Variants in TAF1A observed in about 807,000 individuals in gnomAD.
TAF1A encodes TATA-box binding protein associated factor, RNA polymerase I subunit A.
In TAF1A, 42 loss-of-function variants were observed where a neutral mutation model predicts 61.6. The ratio of observed to expected loss-of-function variants is 0.68; its 90% CI spans 0.53 to 0.88. TAF1A has a LOEUF of 0.88. Ranked by LOEUF, TAF1A falls within the 40% of genes least tolerant of loss-of-function variation. The pLI is 0.00. For synonymous variants in TAF1A, 179 were observed against 177.7 expected, an observed-to-expected ratio of 1.01 and a Z score of -0.06; for missense variants, 424 against 518.7, an observed-to-expected ratio of 0.82 and a Z score of 1.77.
intron 5 of TAF1A, among the ~76,000 whole-genome samples, chr1:222,571,009 T>C (rs1660327919): frequency 6.6e-6 from 1 of 152,136 alleles, no homozygotes; most frequent in Admixed American, 6.5e-5. Context: ...GCATTATACA[T>C]CATGTCCAAG....
In TAF1A at chr1:222,581,013, G is replaced by A. The variant is rs571652074; in HGVS notation, c.292-1141C>T. On this transcript the variant is annotated intron_variant, in intron 3 of 10. Coordinates refer to ENST00000352967, the MANE Select transcript of TAF1A (RefSeq NM_005681.4). ...TAAAAATACAAAAAATTAGCCAGGC[G>A]TCGTGGCGGGAGGCGGAGCTTGCAG... Among the ~76,000 whole-genome samples, 110 of 152,178 alleles carry A rather than the reference G, an allele frequency of 7.2e-4. 1 individual carries two copies. Among genetic ancestry groups the A allele is most frequent in the Admixed American group, 6.4e-3 (98 of 15,288 alleles).
chr1:222,566,515 G>C (rs1660123318), intron 7 of TAF1A, among the ~76,000 whole-genome samples: 1 of 152,164 alleles, frequency 6.6e-6, no homozygotes, highest in African/African-American at 2.4e-5. Context: ...CCTGCAACTG[G>C]ATGATCCCAT....
Position 222,588,573 on chromosome 1 carries a change from AAGATG to A in TAF1A, c.-2-13_-2-9del, listed in dbSNP as rs772710641. On this transcript the variant is annotated splice_polypyrimidine_tract_variant and intron_variant, in intron 1 of 10. Coordinates refer to ENST00000352967, the MANE Select transcript of TAF1A (RefSeq NM_005681.4). ...CACTGAAATCACTCATACCTATTAC[AAGATG>A]AGATATCAGTTACTTTCTGTACATC... 27 of 1,611,808 alleles carry A rather than the reference AAGATG, an allele frequency of 1.7e-5. No homozygotes were observed. Among genetic ancestry groups the A allele is most frequent in the Middle Eastern group, 1.6e-4 (1 of 6,068 alleles).
Position 222,583,011 on chromosome 1 carries a change from C to T in TAF1A, c.291+1117G>A, listed in dbSNP as rs200347559. Among the ~76,000 whole-genome samples the T allele has an allele frequency of 2.0e-3, 308 of 152,164 alleles. 3 individuals carry two copies. The highest frequency in any genetic ancestry group is 0.012 in the East Asian group (62 of 5,158). ...CCTGCCTGGCCAACAGAGTGAAACC[C>T]AGTCTCCACTAAAAATACAAAAAAC... is the stretch of plus-strand genomic sequence containing the variant. On this transcript the variant is annotated intron_variant, in intron 3 of 10. Coordinates refer to ENST00000352967, the MANE Select transcript of TAF1A (RefSeq NM_005681.4).
intron 5 of TAF1A, among the ~76,000 whole-genome samples, chr1:222,572,047 T>G (rs1262344693): frequency 6.6e-6 from 1 of 152,002 alleles, no homozygotes; most frequent in South Asian, 2.1e-4. Context: ...TGAAACCCCG[T>G]CTCTACTAAA....
intron 2 of TAF1A, among the ~76,000 whole-genome samples, chr1:222,585,834 C>A (rs1183999828): frequency 6.6e-6 from 1 of 152,010 alleles, no homozygotes; most frequent in Non-Finnish European, 1.5e-5. Flanking sequence ...ATGAATAACG[C>A]AAGGTATTAA....
intron 10 of TAF1A, among the ~76,000 whole-genome samples, chr1:222,560,463 T>C (rs1053499701): frequency 6.6e-6 from 1 of 152,158 alleles, no homozygotes; most frequent in African/African-American, 2.4e-5. Flanking sequence ...AGGGAGTGAA[T>C]TGGAAAATTA....
chr1:222,582,479 C>T (rs571806953), intron 3 of TAF1A, among the ~76,000 whole-genome samples: 1 of 152,134 alleles, frequency 6.6e-6, no homozygotes, highest in Admixed American at 6.5e-5. Flanking sequence ...AAATTAGAAG[C>T]CTCAGATATT....
chr1:222,570,598 T>C lies in TAF1A; in HGVS notation c.672A>G (p.Ala224=), dbSNP rs1049882566. The change falls in exon 6 of 11, where the codon GCA becomes GCG. Residue 224 remains alanine (A), a synonymous_variant. Coordinates refer to ENST00000352967, the MANE Select transcript of TAF1A (RefSeq NM_005681.4). ...DVFNHSWKTS[A]NISALIKIPG... is the part of the protein sequence containing the mutation. Reference sequence around the variant, plus strand: ...GAATTTTAATCAATGCAGAAATATTTGCAGATGTCTTCCAGCTGTGGTTGA... The same window carrying C: ...GAATTTTAATCAATGCAGAAATATTCGCAGATGTCTTCCAGCTGTGGTTGA... 15 of 1,613,260 alleles carry C rather than the reference T, an allele frequency of 9.3e-6. No homozygotes were observed. The highest frequency in any genetic ancestry group is 1.2e-5 in the Non-Finnish European group (14 of 1,179,414).
chr1:222,554,763 G>A (rs1285926165), downstream of TAF1A, among the ~76,000 whole-genome samples: 2 of 152,108 alleles, frequency 1.3e-5, no homozygotes, highest in Admixed American at 6.6e-5. Flanking sequence ...TAGGTGGGGG[G>A]CTTCAGTCAT....
At position 222,570,463 on chromosome 1, in the gene TAF1A, G is replaced by T. The variant is rs1660304274; in HGVS notation, c.735+72C>A. The T allele has an allele frequency of 2.2e-5, 30 of 1,360,926 alleles. No homozygotes were observed. The South Asian group carries it at 4.6e-4, about 21-fold the overall frequency. The allele number at this position is 1,360,926 out of a possible 1,614,324, so 84.3% of individuals were successfully genotyped here. ...CATTAGTTTCTTTCTGATCAATAAA[G>T]ATTAGGCATGCAGTCTTTGTATAGG... On this transcript the variant is annotated intron_variant, in intron 6 of 10. Transcript: ENST00000352967.
chr1:222,571,259 A>C (rs1274230862), intron 5 of TAF1A, among the ~76,000 whole-genome samples: 1 of 152,174 alleles, frequency 6.6e-6, no homozygotes, highest in African/African-American at 2.4e-5. Context: ...CATCTATGAA[A>C]AACTCATAGC....
At chr1:222,589,136 G>A (rs1309664910) in intron 1 of TAF1A, among the ~76,000 whole-genome samples, 1 of 151,044 alleles carries the variant, frequency 6.6e-6, no homozygotes, top group African/African-American at 2.5e-5. Context: ...GGTGCGTGTG[G>A]AGGAGGGGTG....
chr1:222,564,196 A>C, intron 7 of TAF1A, 71 bp from the exon 8 acceptor site: 2 of 996,214 alleles, frequency 2.0e-6, no homozygotes, highest in Non-Finnish European at 3.0e-6. Flanking sequence ...GCTTACTTTC[A>C]AAATAAAGTT....
chr1:222,561,571 T>C, intron 9 of TAF1A, 53 bp from the exon 10 acceptor site: 2 of 1,496,080 alleles, frequency 1.3e-6, no homozygotes, highest in African/African-American at 2.8e-5. Context: ...CAAATCTATA[T>C]TATCAGAATT....
At chr1:222,554,848 G>A (rs1231896712), downstream of TAF1A, among the ~76,000 whole-genome samples, 1 of 152,138 alleles carries the variant, frequency 6.6e-6, no homozygotes, top group African/African-American at 2.4e-5. Flanking sequence ...GAGGTGGGAA[G>A]GGAATGGGGT....
chr1:222,574,933 A>G (rs1455169453), intron 5 of TAF1A, among the ~76,000 whole-genome samples: 1 of 152,184 alleles, frequency 6.6e-6, no homozygotes, highest in Non-Finnish European at 1.5e-5. Context: ...TTAGGGTGAC[A>G]GTATTTTGTG....
At chr1:222,556,558 T>C (rs759165768), downstream of TAF1A, among the ~76,000 whole-genome samples, 14 of 152,216 alleles carry the variant, frequency 9.2e-5, no homozygotes, top group Non-Finnish European at 1.5e-4. Flanking sequence ...AGGACTGTGG[T>C]GGTTTTACAA....
In TAF1A at chr1:222,577,537, G is replaced by A. The variant is rs767855489; in HGVS notation, c.512C>T (p.Ser171Phe). The change falls in exon 5 of 11, where the codon TCC becomes TTC. Residue 171 changes from serine to phenylalanine, a missense_variant. Physicochemically the swap from Ser to Phe is radical, Grantham distance 155. Transcript: ENST00000352967. ...ETWRHGENTS[S>F]REILINLIQA... ...AATAAGGTTGATTAATATTTCCCGG[G>A]AAGACGTATTTTCACCATGTCTCCA... 2 of 1,613,966 alleles carry A rather than the reference G, an allele frequency of 1.2e-6. No homozygotes were observed. Among genetic ancestry groups the A allele is most frequent in the Admixed American group, 1.7e-5 (1 of 60,014 alleles).
Sources: allele counts gnomAD v4.1 joint callset (sites outside exome capture counted in the v4.1 genomes callset), GRCh38; gene constraint gnomAD v4.1.1; transcripts MANE v1.5; gene names NCBI Gene and HGNC (gene_info 2026-07-23, HGNC 2026-07-21).